JDP2: variants seen among roughly 807,000 people sequenced by gnomAD.
JDP2 encodes the protein progesterone receptor co-activator.
Under a neutral mutation model 17.1 loss-of-function variants are expected in JDP2, and 9 were observed. The observed-to-expected ratio is 0.53, with a 90% CI of 0.32 to 0.92. The LOEUF (loss-of-function observed/expected upper bound fraction) is 0.92, where lower values mean the gene tolerates loss of function less well. JDP2 is among the 40% of genes least tolerant of loss of function. The pLI is 0.04. For synonymous variants in JDP2, 107 were observed against 95.6 expected (o/e 1.12, Z -0.69); for missense variants, 179 against 220.0 (o/e 0.81, Z 1.18).
chr14:75,469,644 AC>A lies in JDP2; in HGVS notation c.*172del. The A allele has an allele frequency of 1.6e-6, 1 of 622,624 alleles. No individual in the cohort carries two copies. Among genetic ancestry groups the A allele is most frequent in the Non-Finnish European group, 2.8e-6 (1 of 362,948 alleles). The allele number at this position is 622,624 out of a possible 1,614,324, so 38.6% of individuals were successfully genotyped here. On this transcript the variant is annotated 3_prime_UTR_variant, in exon 4 of 4. Coordinates refer to ENST00000651602, the MANE Select transcript of JDP2 (RefSeq NM_001135048.2). ...CTTTTTTGTGAAACTCAGATCAGCCACCCAGGAGGAAGAGCGGGCTGAGGAA... is the reference window on the plus strand; with the variant it reads ...CTTTTTTGTGAAACTCAGATCAGCCACCAGGAGGAAGAGCGGGCTGAGGAA...
At chr14:75,431,378 G>T (rs1439045184) in intron 1 of JDP2, among the ~76,000 whole-genome samples, 6 of 152,250 alleles carry the variant, frequency 3.9e-5, no homozygotes, top group Non-Finnish European at 7.3e-5. Context: ...TGGGATGGCT[G>T]TGCAGGGATC....
chr14:75,454,231 C>G (rs3784017), intron 2 of JDP2, among the ~76,000 whole-genome samples: 4 of 151,820 alleles, frequency 2.6e-5, no homozygotes, highest in African/African-American at 9.7e-5. Flanking sequence ...TGTGCAATAA[C>G]GTTTTTTAAA....
chr14:75,450,036 G>A (rs562021029), intron 2 of JDP2, among the ~76,000 whole-genome samples: 6 of 152,236 alleles, frequency 3.9e-5, no homozygotes, highest in Admixed American at 1.3e-4. Flanking sequence ...ACACCTCGGC[G>A]GCCTGTTGTT....
chr14:75,433,398 T>C (rs1269748619), intron 1 of JDP2, among the ~76,000 whole-genome samples: 1 of 151,158 alleles, frequency 6.6e-6, no homozygotes, highest in Non-Finnish European at 1.5e-5. Context: ...TTCTTTTCTC[T>C]GAAATGACAC....
At chr14:75,447,359 G>A (rs1161711606) in intron 2 of JDP2, among the ~76,000 whole-genome samples, 3 of 152,160 alleles carry the variant, frequency 2.0e-5, no homozygotes, top group Admixed American at 1.3e-4. Context: ...CCTATGAGGT[G>A]GTGTTAGTAG....
chr14:75,455,106 A>G (rs1490351730), intron 2 of JDP2, among the ~76,000 whole-genome samples: 1 of 152,178 alleles, frequency 6.6e-6, no homozygotes, highest in Non-Finnish European at 1.5e-5. Flanking sequence ...TGAGTCCTTA[A>G]TCGGCTCCAG....
rs542776588 is a variant in JDP2 at position 75,430,772 on chromosome 14, A to ATGTG, written c.-24+2527_-24+2530dup. On this transcript the variant is annotated intron_variant, in intron 1 of 3. Transcript: ENST00000651602. The surrounding 1 kb of genome is among the most constrained non-coding windows in gnomAD (Gnocchi z 4.5). Reference sequence around the variant, plus strand: ...GCTGCCAAGCTCCATGTGCCTGTGTATGTGTGTGTGCGTGTGCATGTGTGT... The same window carrying ATGTG: ...GCTGCCAAGCTCCATGTGCCTGTGTATGTGTGTGTGTGTGCGTGTGCATGTGTGT... Among the ~76,000 whole-genome samples, 3 of 151,902 alleles carry ATGTG rather than the reference A, an allele frequency of 2.0e-5. No homozygotes were observed. Among genetic ancestry groups the ATGTG allele is most frequent in the Admixed American group, 6.5e-5 (1 of 15,272 alleles).
At chr14:75,447,087 G>T (rs1204310665) in intron 2 of JDP2, among the ~76,000 whole-genome samples, 1 of 152,216 alleles carries the variant, frequency 6.6e-6, no homozygotes, top group Admixed American at 6.5e-5. Flanking sequence ...TAGAATAGCA[G>T]TTTCTAACTC....
At chr14:75,427,895 C>G (rs2140023637), upstream of JDP2, 1 of 152,062 alleles carries the variant, frequency 6.6e-6, no homozygotes, top group African/African-American at 2.4e-5. This position sits in a 1 kb window ranked among gnomAD's most constrained non-coding sequence, Gnocchi z 4.4. Flanking sequence ...CCTCCCCGGT[C>G]CCCTCCTTCC....
At chr14:75,433,849 G>A (rs902418667) in intron 1 of JDP2, among the ~76,000 whole-genome samples, 1 of 152,116 alleles carries the variant, frequency 6.6e-6, no homozygotes, top group Non-Finnish European at 1.5e-5. Context: ...TTTTCCCAAT[G>A]TTGGTGTTCT....
chr14:75,431,953 A>C (rs1412753289), intron 1 of JDP2, among the ~76,000 whole-genome samples: 1 of 152,272 alleles, frequency 6.6e-6, no homozygotes, highest in Admixed American at 6.5e-5. Flanking sequence ...ATACAGGGCA[A>C]ATAACATTGT....
chr14:75,467,704 C>T (rs1233297332), intron 3 of JDP2, among the ~76,000 whole-genome samples: 1 of 152,176 alleles, frequency 6.6e-6, no homozygotes, highest in African/African-American at 2.4e-5. Context: ...AGCCCGAGGG[C>T]TCACAGGCTT....
chr14:75,469,567 T>C lies in JDP2; in HGVS notation c.*92T>C, dbSNP rs1427892676. 8.8e-7 allele frequency: 1 copy of C among 1,137,390 alleles called. No homozygotes were observed. The highest frequency in any genetic ancestry group is 1.6e-5 in the African/African-American group (1 of 64,002). The allele number at this position is 1,137,390 out of a possible 1,614,324, so 70.5% of individuals were successfully genotyped here. A position where few individuals can be genotyped will look rare whatever the true frequency, so the allele number is the denominator to read the frequency against. On this transcript the variant is annotated 3_prime_UTR_variant, in exon 4 of 4. Transcript: ENST00000651602. Reference sequence around the variant, plus strand: ...GGGGGGCCCCAGATGGCCCTTCCTTTGGTGCATGAAAAACTGTACAATGAG... The same window carrying C: ...GGGGGGCCCCAGATGGCCCTTCCTTCGGTGCATGAAAAACTGTACAATGAG...
intron 1 of JDP2, among the ~76,000 whole-genome samples, chr14:75,436,090 C>T (rs912170171): frequency 2.0e-5 from 3 of 152,204 alleles, no homozygotes; most frequent in African/African-American, 7.2e-5. Context: ...AGAAATAGAA[C>T]TTATTGGGAA....
At chr14:75,448,016 C>G (rs922254917) in intron 2 of JDP2, among the ~76,000 whole-genome samples, 1 of 151,998 alleles carries the variant, frequency 6.6e-6, no homozygotes, top group Non-Finnish European at 1.5e-5. Flanking sequence ...AAACTGAATG[C>G]GCAAGAAAAA....
chr14:75,460,235 C>T (rs1886294290), intron 2 of JDP2, among the ~76,000 whole-genome samples: 1 of 152,140 alleles, frequency 6.6e-6, no homozygotes, highest in African/African-American at 2.4e-5. Flanking sequence ...ATTAACATGT[C>T]CTGAGGGAGA....
chr14:75,440,013 ACT>A (rs1344947753), intron 2 of JDP2, among the ~76,000 whole-genome samples: 1 of 151,736 alleles, frequency 6.6e-6, no homozygotes, highest in Non-Finnish European at 1.5e-5. Context: ...CACTGGAGGA[ACT>A]CTTCCCTTTT....
chr14:75,466,638 C>T (rs945098784), intron 3 of JDP2, among the ~76,000 whole-genome samples: 4 of 152,196 alleles, frequency 2.6e-5, no homozygotes, highest in Admixed American at 2.6e-4. Context: ...TGGTTTGACA[C>T]GTGGTAATTT....
At position 75,430,337 on chromosome 14, in the gene JDP2, C is replaced by T. The variant is rs1884740577; in HGVS notation, c.-24+2085C>T. On this transcript the variant is annotated intron_variant, in intron 1 of 3. Transcript: ENST00000651602. The surrounding 1 kb of genome is among the most constrained non-coding windows in gnomAD (Gnocchi z 4.5). Reference sequence around the variant, plus strand: ...GCTCTGTATTCATTCAGCTCCAGCTCAACTTGAGCAATCAGAGCCAGGGTT... The same window carrying T: ...GCTCTGTATTCATTCAGCTCCAGCTTAACTTGAGCAATCAGAGCCAGGGTT... Among the ~76,000 whole-genome samples, 1 of 152,208 alleles carries T rather than the reference C, an allele frequency of 6.6e-6. No homozygotes were observed. Among genetic ancestry groups the T allele is most frequent in the South Asian group, 2.1e-4 (1 of 4,830 alleles).
Sources: gnomAD v4.1 joint callset for allele counts (sites outside exome capture counted in the v4.1 genomes callset) on GRCh38, gnomAD v4.1.1 for gene constraint, Gnocchi (gnomAD v3.1) non-coding constraint, MANE v1.5 for transcripts, NCBI Gene and HGNC (gene_info 2026-07-23, HGNC 2026-07-21) for gene names.